Variants in TANC1 observed in about 807,000 individuals in gnomAD.
TANC1 encodes the protein protein TANC1.
Under a neutral mutation model 149.7 loss-of-function variants are expected in TANC1, and 77 were observed. The ratio of observed to expected loss-of-function variants is 0.51; its 90% confidence interval spans 0.43 to 0.62. The LOEUF (loss-of-function observed/expected upper bound fraction) is 0.62, where lower values mean the gene tolerates loss of function less well. Ranked by LOEUF, TANC1 falls within the 20% of genes least tolerant of loss-of-function variation. The pLI is 0.00. For missense variants in TANC1, 1,985 were observed against 2,321.8 expected (o/e 0.85, Z 2.98); for synonymous variants, 854 against 925.0 (o/e 0.92, Z 1.39).
At chr2:159,031,900 C>T (rs1431156125) in intron 2 of TANC1, among the ~76,000 whole-genome samples, 2 of 152,158 alleles carry the variant, frequency 1.3e-5, no homozygotes. Flanking sequence ...TGAAGCTTGC[C>T]TTATTGATCA....
intron 24 of TANC1, chr2:159,227,598 C>T: frequency 1.9e-6 from 1 of 540,026 alleles, no homozygotes; most frequent in Non-Finnish European, 3.2e-6. Flanking sequence ...TTCTTTCTCA[C>T]TGTGTAACCA....
intron 1 of TANC1, among the ~76,000 whole-genome samples, chr2:158,983,498 AC>A (rs948915733): frequency 6.6e-6 from 1 of 151,360 alleles, no homozygotes; most frequent in Non-Finnish European, 1.5e-5. Context: ...CACCAAACAA[AC>A]AACAAAAAAG....
intron 1 of TANC1, among the ~76,000 whole-genome samples, chr2:158,969,219 C>T (rs1427525169): frequency 6.6e-6 from 1 of 151,680 alleles, no homozygotes; most frequent in African/African-American, 2.4e-5. Context: ...TGGTACCTGG[C>T]GCGGGGGAGG....
At position 159,231,273 on chromosome 2, in the gene TANC1, C is replaced by G. The variant is rs1419183931; in HGVS notation, c.*261C>G. On this transcript the variant is annotated 3_prime_UTR_variant, in exon 27 of 27. Coordinates refer to ENST00000263635, the MANE Select transcript of TANC1 (RefSeq NM_033394.3). ...GCCCAGAAGACATTAATGACTCTCA[C>G]TTATGAAATTGTTTGGCTTTTGCCA... 1 of 335,398 alleles carries G rather than the reference C, an allele frequency of 3.0e-6. No homozygotes were observed. Among genetic ancestry groups the G allele is most frequent in the African/African-American group, 2.1e-5 (1 of 47,264 alleles). 20.8% of individuals were successfully genotyped at this position (335,398 alleles called of 1,614,324 possible). A position where few individuals can be genotyped will look rare whatever the true frequency, so the allele number is the denominator to read the frequency against.
Position 159,217,617 on chromosome 2 carries a change from A to G in TANC1, c.3365A>G (p.Gln1122Arg). The G allele has an allele frequency of 1.9e-6, 3 of 1,614,138 alleles. No individual in the cohort carries two copies. Among genetic ancestry groups the G allele is most frequent in the South Asian group, 1.1e-5 (1 of 91,080 alleles). ...CCACCTTTGTTTTGTGCAGCACGCC[A>G]GGGGCATTGGCAGGTACCCAGGGGG... ...GVPPLFCAAR[Q>R]GHWQIVRLLL... is the part of the protein sequence containing the mutation. The change falls in exon 20 of 27, where the codon CAG (glutamine) becomes CGG (arginine). Residue 1122 changes from glutamine to arginine, a missense_variant. By Grantham distance (43) the Gln-to-Arg change is conservative. Around this residue, in one of 3 missense-constraint regions of TANC1, gnomAD observed 920 missense variants for 994.7 expected, o/e 0.92. Coordinates refer to ENST00000263635, the MANE Select transcript of TANC1 (RefSeq NM_033394.3).
intron 4 of TANC1, among the ~76,000 whole-genome samples, chr2:159,105,598 G>A (rs1424264959): frequency 6.6e-6 from 1 of 152,100 alleles, no homozygotes; most frequent in African/African-American, 2.4e-5. Flanking sequence ...TCTATACCCC[G>A]CAAAAGACAA....
intron 16 of TANC1, among the ~76,000 whole-genome samples, chr2:159,191,766 T>G (rs2057460238): frequency 6.6e-6 from 1 of 152,224 alleles, no homozygotes; most frequent in South Asian, 2.1e-4. Flanking sequence ...TGTGGACATC[T>G]ATCACTGAAA....
At chr2:158,988,570 C>G (rs950345623) in intron 1 of TANC1, among the ~76,000 whole-genome samples, 10 of 152,238 alleles carry the variant, frequency 6.6e-5, no homozygotes, top group Non-Finnish European at 1.5e-4. Context: ...AATGACAGGG[C>G]TTCCCAGCTC....
rs145945879 is a variant in TANC1 at position 159,076,224 on chromosome 2, A to G, written c.61+10253A>G. 3.2e-3 allele frequency among the ~76,000 whole-genome samples: 489 copies of G among 152,252 alleles called. 1 individual carries two copies. Among genetic ancestry groups the G allele is most frequent in the Middle Eastern group, 0.02 (6 of 294 alleles). ...TTGTGTATAGTAATGCAAATTTTCT[A>G]TATGACTTATCCAGAAAGCTTCTTG... On this transcript the variant is annotated intron_variant, in intron 3 of 26. Transcript: ENST00000263635.
At chr2:159,024,152 A>T (rs937085639) in intron 2 of TANC1, among the ~76,000 whole-genome samples, 1 of 152,280 alleles carries the variant, frequency 6.6e-6, no homozygotes, top group East Asian at 1.9e-4. Context: ...GGTCTACAAC[A>T]TGATGTTTTT....
chr2:159,136,417 G>T, intron 5 of TANC1, 119 bp downstream of exon 5: 1 of 653,754 alleles, frequency 1.5e-6, no homozygotes. Flanking sequence ...TATTTGGGAG[G>T]TATTTTCCCC....
At chr2:159,017,007 A>T (rs2038349347) in intron 2 of TANC1, among the ~76,000 whole-genome samples, 1 of 151,918 alleles carries the variant, frequency 6.6e-6, no homozygotes, top group African/African-American at 2.4e-5. Flanking sequence ...CAGTGATTTT[A>T]AAAAAATTTA....
chr2:159,193,768 G>A (rs567077094), intron 16 of TANC1, among the ~76,000 whole-genome samples: 6 of 152,226 alleles, frequency 3.9e-5, no homozygotes, highest in Admixed American at 6.5e-5. Context: ...TGATCCACCC[G>A]CCATGGCCTC....
At chr2:159,123,400 C>A (rs1033394066) in intron 4 of TANC1, among the ~76,000 whole-genome samples, 22 of 152,232 alleles carry the variant, frequency 1.4e-4, no homozygotes, top group African/African-American at 4.8e-4. Flanking sequence ...CCTTCACCCT[C>A]TCCTGGCTGG....
intron 3 of TANC1, among the ~76,000 whole-genome samples, chr2:159,095,989 TTGTG>T (rs35067074): frequency 6.6e-6 from 1 of 151,806 alleles, no homozygotes; most frequent in Non-Finnish European, 1.5e-5. Context: ...TGGTCTTTGA[TTGTG>T]TGTGTGTATG....
At chr2:159,098,641 A>AG (rs34642396) in intron 4 of TANC1, among the ~76,000 whole-genome samples, 1 of 152,098 alleles carries the variant, frequency 6.6e-6, no homozygotes, top group Admixed American at 6.6e-5. Flanking sequence ...AGACTTGTAA[A>AG]GGGGGGTGGG....
chr2:159,036,796 T>C (rs888529768), intron 2 of TANC1, among the ~76,000 whole-genome samples: 4 of 152,230 alleles, frequency 2.6e-5, no homozygotes, highest in African/African-American at 9.6e-5. Context: ...TCTTTACTAT[T>C]GTGAATAGTT....
At chr2:159,224,526 G>A in intron 23 of TANC1, 162 bp downstream of exon 23, 1 of 775,492 alleles carries the variant, frequency 1.3e-6, no homozygotes, top group Non-Finnish European at 2.0e-6. Context: ...TACACAATGT[G>A]TAAGTAGCTC....
At chr2:159,219,417 G>T in intron 21 of TANC1, 56 bp downstream of exon 21, 1 of 1,608,990 alleles carries the variant, frequency 6.2e-7, no homozygotes. Flanking sequence ...GAGAACTTCA[G>T]CAGACCCATT....
Sources: gnomAD v4.1 joint callset for allele counts (sites outside exome capture counted in the v4.1 genomes callset) on GRCh38, gnomAD v4.1.1 for gene constraint, gnomAD v4.1.1 regional missense constraint, MANE v1.5 for transcripts, NCBI Gene and HGNC (gene_info 2026-07-23, HGNC 2026-07-21) for gene names.